The following PREX1 variants were observed in gnomAD, a reference collection of about 807,000 sequenced individuals.
PREX1 encodes the protein phosphatidylinositol 3,4,5-trisphosphate-dependent Rac exchanger 1 protein.
A neutral mutation model predicts 198.3 loss-of-function variants in PREX1; 41 were observed. The observed-to-expected ratio is 0.21, with a 90% confidence interval of 0.16 to 0.27. The LOEUF (loss-of-function observed/expected upper bound fraction) is 0.27, where lower values mean the gene tolerates loss of function less well. PREX1 is among the 10% of genes least tolerant of loss of function. The probability of loss-of-function intolerance (pLI) is 1.00; values close to 1 mark genes in which losing one functional copy is unlikely to be tolerated. For missense variants in PREX1, 1,620 were observed against 2,200.7 expected (o/e 0.74, Z 5.28); for synonymous variants, 843 against 887.2 (o/e 0.95, Z 0.89).
At chr20:48,705,208 C>A (rs527334930) in intron 6 of PREX1, among the ~76,000 whole-genome samples, 19 of 152,352 alleles carry the variant, frequency 1.2e-4, no homozygotes, top group East Asian at 9.6e-4. Flanking sequence ...TCTCTCCCCA[C>A]GGAGGGGGTT....
chr20:48,843,455 A>C, the PREX1 span, among the ~76,000 whole-genome samples: 1 of 152,208 alleles, frequency 6.6e-6, no homozygotes, highest in African/African-American at 2.4e-5. Context: ...CAAGAAGAGA[A>C]ATAAATGCTG....
chr20:48,875,888 G>C, the PREX1 span, among the ~76,000 whole-genome samples: 2 of 152,192 alleles, frequency 1.3e-5, no homozygotes, highest in Non-Finnish European at 2.9e-5. Flanking sequence ...AGCTGGTGTG[G>C]AGAAGAGACT....
intron 25 of PREX1, among the ~76,000 whole-genome samples, chr20:48,649,091 T>C (rs904330014): frequency 8.5e-5 from 13 of 152,220 alleles, no homozygotes; most frequent in African/African-American, 2.9e-4. Flanking sequence ...TATTTAGCAA[T>C]GTCTGAAGAC....
At chr20:48,877,619 C>T in the PREX1 span, among the ~76,000 whole-genome samples, 1 of 152,210 alleles carries the variant, frequency 6.6e-6, no homozygotes, top group African/African-American at 2.4e-5. Flanking sequence ...ACTGATTGGC[C>T]TGGTGTAGGC....
At chr20:48,735,890 C>G (rs1408715381) in intron 3 of PREX1, among the ~76,000 whole-genome samples, 1 of 152,082 alleles carries the variant, frequency 6.6e-6, no homozygotes, top group Admixed American at 6.6e-5. Flanking sequence ...ACCCAGGGTA[C>G]AAATTTCAAG....
chr20:48,661,279 C>A (rs895939659), intron 15 of PREX1, among the ~76,000 whole-genome samples: 8 of 150,814 alleles, frequency 5.3e-5, no homozygotes, highest in South Asian at 4.2e-4. Context: ...ATTAGCTGGG[C>A]ATGGTGGCGC....
At chr20:48,886,820 G>A in the PREX1 span, among the ~76,000 whole-genome samples, 6 of 152,200 alleles carry the variant, frequency 3.9e-5, no homozygotes, top group African/African-American at 1.4e-4. Context: ...GAAAGGCTAA[G>A]TCAGTAGCCA....
chr20:48,770,007 G>C (rs2090228085), intron 1 of PREX1, among the ~76,000 whole-genome samples: 1 of 152,140 alleles, frequency 6.6e-6, no homozygotes, highest in African/African-American at 2.4e-5. Flanking sequence ...AGCCCAAGGA[G>C]GTAAATTTGA....
intron 1 of PREX1, among the ~76,000 whole-genome samples, chr20:48,774,263 T>C (rs2122892416): frequency 6.6e-6 from 1 of 152,336 alleles, no homozygotes; most frequent in East Asian, 1.9e-4. Flanking sequence ...CAGGGTGACC[T>C]AGGCAGAGGC....
At chr20:48,818,562 T>C (rs901159080) in intron 1 of PREX1, among the ~76,000 whole-genome samples, 1 of 152,248 alleles carries the variant, frequency 6.6e-6, no homozygotes, top group Non-Finnish European at 1.5e-5. Flanking sequence ...GCAACGGCCC[T>C]GGCCATTCCC....
intron 3 of PREX1, among the ~76,000 whole-genome samples, 200 bp from the exon 4 acceptor site, chr20:48,734,850 C>T (rs939363966): frequency 6.6e-6 from 1 of 152,218 alleles, no homozygotes; most frequent in Admixed American, 6.5e-5. Flanking sequence ...GGTCTGCACT[C>T]AGGGGCCTGA....
At chr20:48,704,232 G>C (rs6095245) in intron 6 of PREX1, among the ~76,000 whole-genome samples, 84,476 of 152,044 alleles carry the variant, frequency 0.56, 24,895 homozygotes, top group African/African-American at 0.76. Context: ...CCACTCCCCC[G>C]ACCTGCTCAC....
intron 1 of PREX1, among the ~76,000 whole-genome samples, chr20:48,822,991 A>AG (rs1197676191): frequency 6.6e-6 from 1 of 152,162 alleles, no homozygotes; most frequent in Non-Finnish European, 1.5e-5. Flanking sequence ...CTTTTAAAAC[A>AG]GAAAAAAAAA....
chr20:48,657,726 C>T lies in PREX1; in HGVS notation c.1974+410G>A, dbSNP rs73326946. On this transcript the variant is annotated intron_variant, in intron 17 of 39. Transcript: ENST00000371941. ...CACCTGCACACGCCCCAGGCAAAGC[C>T]GGAAGGCCCCAGGGCTGAATCCTCG... is the stretch of plus-strand genomic sequence containing the variant. Among the ~76,000 whole-genome samples, 840 of 152,274 alleles carry T rather than the reference C, an allele frequency of 5.5e-3. 9 individuals are homozygous for T. Among genetic ancestry groups the T allele is most frequent in the African/African-American group, 0.019 (806 of 41,544 alleles).
intron 4 of PREX1, 112 bp downstream of exon 4, chr20:48,734,434 C>T: frequency 1.1e-6 from 1 of 923,038 alleles, no homozygotes; most frequent in Non-Finnish European, 1.7e-6. Flanking sequence ...GAGATTACCC[C>T]AGCCAAGGAA....
At chr20:48,834,075 C>T in the PREX1 span, among the ~76,000 whole-genome samples, 2 of 149,374 alleles carry the variant, frequency 1.3e-5, no homozygotes, top group South Asian at 2.1e-4. Context: ...GGCGACAGAG[C>T]GAGACTCAGT....
chr20:48,865,265 C>T, the PREX1 span, among the ~76,000 whole-genome samples: 25 of 152,288 alleles, frequency 1.6e-4, no homozygotes, highest in South Asian at 1.0e-3. Context: ...AGGGGTTCAT[C>T]GTACAGATAT....
chr20:48,653,594 C>T (rs1568804954), intron 19 of PREX1, 97 bp from the exon 20 acceptor site: 11 of 1,468,300 alleles, frequency 7.5e-6, no homozygotes, highest in East Asian at 4.6e-5. Context: ...ACCCCAGACA[C>T]GCGCAAGGAC....
rs1336503154 is a variant in PREX1 at position 48,691,582 on chromosome 20, G to A, written c.1037-486C>T. ...AGCCTGAATCTGAGGAGGGCTCCAC[G>A]GGCTTCATGAGACTGCCAAAGGGGA... On this transcript the variant is annotated intron_variant, in intron 8 of 39. Coordinates refer to ENST00000371941, the MANE Select transcript of PREX1 (RefSeq NM_020820.4). The surrounding 1 kb of genome is among the most constrained non-coding windows in gnomAD (Gnocchi z 5.0). Among the ~76,000 whole-genome samples, 1 of 152,122 alleles carries A rather than the reference G, an allele frequency of 6.6e-6. No homozygotes were observed. The highest frequency in any genetic ancestry group is 2.4e-5 in the African/African-American group (1 of 41,434).
Sources: allele counts gnomAD v4.1 joint callset (sites outside exome capture counted in the v4.1 genomes callset), GRCh38; gene constraint gnomAD v4.1.1; non-coding constraint Gnocchi (gnomAD v3.1); transcripts MANE v1.5; gene names NCBI Gene and HGNC (gene_info 2026-07-23, HGNC 2026-07-21).